XPO1: variants seen among roughly 807,000 people sequenced by gnomAD.
The protein encoded by XPO1 is exportin 1.
A neutral mutation model predicts 133.3 loss-of-function variants in XPO1; 5 were observed. The ratio of observed to expected loss-of-function variants is 0.04; its 90% CI spans 0.02 to 0.08. XPO1 has a LOEUF of 0.08. Among genes scored for constraint, XPO1 ranks in the 10% least tolerant of loss-of-function variants. The probability of loss-of-function intolerance (pLI) is 1.00; values close to 1 mark genes in which losing one functional copy is unlikely to be tolerated. For synonymous variants in XPO1, 419 were observed against 408.2 expected (o/e 1.03, Z -0.32); for missense variants, 506 against 1,267.5 (o/e 0.40, Z 9.12).
intron 2 of XPO1, among the ~76,000 whole-genome samples, chr2:61,527,065 G>A (rs1698936279): frequency 6.6e-6 from 1 of 152,004 alleles, no homozygotes; most frequent in Admixed American, 6.6e-5. Flanking sequence ...AACATTTTTG[G>A]GAGTAAATCT....
Position 61,488,786 on chromosome 2 carries a change from A to G in XPO1, c.2023-15T>C, listed in dbSNP as rs2104388311. 6.2e-7 allele frequency: 1 copy of G among 1,611,062 alleles called. No homozygotes were observed. The highest frequency in any genetic ancestry group is 8.5e-7 in the Non-Finnish European group (1 of 1,178,638). On this transcript the variant is annotated splice_polypyrimidine_tract_variant and intron_variant, in intron 17 of 24. Transcript: ENST00000401558. ...ATATCCACATTCTTGGAGGAAAAAA[A>G]GCAAATTCCATTTATCATATAAGAA...
intron 4 of XPO1, among the ~76,000 whole-genome samples, chr2:61,515,995 AG>A (rs1427658458): frequency 6.7e-6 from 1 of 149,844 alleles, no homozygotes; most frequent in African/African-American, 2.5e-5. Context: ...ACGTGGTAGC[AG>A]GCACCTGTAG....
At chr2:61,500,077 A>G (rs1055947476) in intron 6 of XPO1, among the ~76,000 whole-genome samples, 183 bp from the exon 7 acceptor site, 2 of 152,212 alleles carry the variant, frequency 1.3e-5, no homozygotes, top group Admixed American at 6.5e-5. Context: ...AACAAAACAC[A>G]AAGTCTTTTA....
Position 61,513,191 on chromosome 2 carries a change from C to T in XPO1, c.301+9420G>A, listed in dbSNP as rs573972956. Among the ~76,000 whole-genome samples the T allele has an allele frequency of 5.3e-5, 8 of 151,792 alleles. No individual in the cohort carries two copies. In the East Asian group the frequency reaches 9.8e-4, roughly 19 times the overall value. On this transcript the variant is annotated intron_variant, in intron 4 of 24. Coordinates refer to ENST00000401558, the MANE Select transcript of XPO1 (RefSeq NM_003400.4). The stretch of plus-strand genomic sequence containing the variant: ...CCTCCCACCTCAGCTTCCTGGCAGT[C>T]GGGATTACAGGTGCATGCCACCACG...
intron 4 of XPO1, among the ~76,000 whole-genome samples, chr2:61,517,246 C>T (rs2104691040): frequency 6.6e-6 from 1 of 152,262 alleles, no homozygotes; most frequent in East Asian, 1.9e-4. Context: ...TGAATCATGA[C>T]TCTGATAAAG....
chr2:61,519,301 C>T (rs1261654873), intron 4 of XPO1, among the ~76,000 whole-genome samples: 10 of 152,066 alleles, frequency 6.6e-5, no homozygotes, highest in African/African-American at 2.4e-4. Context: ...GTACAGGATA[C>T]AGTAACGTAT....
chr2:61,500,147 G>T (rs965548672), intron 6 of XPO1, among the ~76,000 whole-genome samples: 6 of 152,006 alleles, frequency 3.9e-5, no homozygotes, highest in African/African-American at 1.5e-4. Context: ...CCGTCTAATG[G>T]GTCTGTCTGT....
intron 3 of XPO1, among the ~76,000 whole-genome samples, chr2:61,524,031 A>C (rs2104763320): frequency 6.6e-6 from 1 of 152,324 alleles, no homozygotes; most frequent in South Asian, 2.1e-4. Flanking sequence ...ATATCTATTT[A>C]TTATGTCTAG....
intron 19 of XPO1, among the ~76,000 whole-genome samples, chr2:61,486,461 GTCTTTT>G (rs1202635193): frequency 4.3e-5 from 4 of 93,748 alleles, no homozygotes; most frequent in African/African-American, 3.6e-5. Flanking sequence ...CCTCAATACT[GTCTTTT>G]TATTTTTGAG....
chr2:61,530,752 GC>G (rs1288439231), intron 2 of XPO1, among the ~76,000 whole-genome samples: 2 of 149,574 alleles, frequency 1.3e-5, no homozygotes, highest in African/African-American at 4.9e-5. Context: ...CCTACCTACA[GC>G]TTTTTTTCCC....
At chr2:61,499,613 T>G in intron 7 of XPO1, 100 bp downstream of exon 7, 1 of 1,161,936 alleles carries the variant, frequency 8.6e-7, no homozygotes, top group Non-Finnish European at 1.2e-6. Flanking sequence ...TTTAACATAT[T>G]ACTGATCATA....
chr2:61,485,952 T>C lies in XPO1; in HGVS notation c.2324A>G (p.Asn775Ser). 1 of 1,607,432 alleles carries C rather than the reference T, an allele frequency of 6.2e-7. No homozygotes were observed. The highest frequency in any genetic ancestry group is 1.1e-5 in the South Asian group (1 of 89,342). ...RSNDPQMVAE[N>S]FVPPLLDAVL... ...TGCATCCAACAGAGGGGGAACAAAATTTTCAGCGACCTGTTGGGGAGGGAA... is the reference window on the plus strand; with the variant it reads ...TGCATCCAACAGAGGGGGAACAAAACTTTCAGCGACCTGTTGGGGAGGGAA... Residue 775 changes from asparagine to serine, a missense_variant, in exon 20 of 25, where the codon AAT becomes AGT. Physicochemically the swap from Asn to Ser is conservative, Grantham distance 46. This residue lies in a region of XPO1 where 203 missense variants were observed against 365.9 expected (regional missense o/e 0.55). Transcript: ENST00000401558.
chr2:61,515,306 G>A (rs1388732903), intron 4 of XPO1, among the ~76,000 whole-genome samples: 1 of 152,160 alleles, frequency 6.6e-6, no homozygotes, highest in Non-Finnish European at 1.5e-5. Flanking sequence ...ATCAATTAAA[G>A]GAAACATGTT....
chr2:61,481,351 C>G, intron 23 of XPO1, 70 bp from the exon 24 acceptor site: 5 of 1,177,120 alleles, frequency 4.2e-6, no homozygotes, highest in Non-Finnish European at 6.0e-6. Flanking sequence ...GCTCTGTCAC[C>G]AGGCTGGAGT....
At chr2:61,482,034 C>CTTTTTTTTTTTTTTTTTTTTTTTT (rs1195049382) in intron 23 of XPO1, among the ~76,000 whole-genome samples, 4 of 71,368 alleles carry the variant, frequency 5.6e-5, no homozygotes, top group Admixed American at 2.1e-4. Flanking sequence ...CGTGCGTGGC[C>CTTTTTTTTTTTTTTTTTTTTTTTT]TTTTTTTTTT....
At chr2:61,499,653 A>T in intron 7 of XPO1, 60 bp downstream of exon 7, 1 of 1,450,948 alleles carries the variant, frequency 6.9e-7, no homozygotes, top group Non-Finnish European at 9.2e-7. Context: ...ATTTACATCC[A>T]AACTGCTTGA....
intron 24 of XPO1, among the ~76,000 whole-genome samples, chr2:61,479,415 G>A (rs1696220262): frequency 6.6e-6 from 1 of 151,484 alleles, no homozygotes; most frequent in Non-Finnish European, 1.5e-5. Flanking sequence ...TCACGCCACT[G>A]CTCTCCAGCC....
intron 2 of XPO1, among the ~76,000 whole-genome samples, chr2:61,531,618 C>G (rs561748053): frequency 6.6e-6 from 1 of 152,146 alleles, no homozygotes; most frequent in Non-Finnish European, 1.5e-5. Context: ...TGAATCTATG[C>G]GGAAAAAATT....
chr2:61,491,925 C>T (rs559130710), intron 16 of XPO1, 110 bp downstream of exon 16: 18 of 1,326,176 alleles, frequency 1.4e-5, no homozygotes, highest in Non-Finnish European at 1.4e-5. Context: ...AAAATTTAAT[C>T]AGAAACACTT....
Sources: allele counts gnomAD v4.1 joint callset (sites outside exome capture counted in the v4.1 genomes callset), GRCh38; gene constraint gnomAD v4.1.1; regional missense constraint gnomAD v4.1.1; transcripts MANE v1.5; gene names NCBI Gene and HGNC (gene_info 2026-07-23, HGNC 2026-07-21).